The following MYH13 variants were observed in gnomAD, a reference collection of about 807,000 sequenced individuals.
MYH13 encodes the protein myosin-13.
A neutral mutation model predicts 232.1 loss-of-function variants in MYH13; 177 were observed. The ratio of observed to expected loss-of-function variants is 0.76; its 90% confidence interval spans 0.67 to 0.86. The LOEUF (loss-of-function observed/expected upper bound fraction) is 0.86. MYH13 is among the 40% of genes least tolerant of loss of function. The pLI, the probability that MYH13 is intolerant of heterozygous loss-of-function variation, is 0.00. For missense variants in MYH13, 2,246 were observed against 2,405.9 expected, an observed-to-expected ratio of 0.93 and a Z score of 1.39; for synonymous variants, 884 against 923.5, an observed-to-expected ratio of 0.96 and a Z score of 0.78.
intron 1 of MYH13, among the ~76,000 whole-genome samples, chr17:10,372,461 G>C (rs1174703481): frequency 6.6e-6 from 1 of 152,210 alleles, no homozygotes; most frequent in Non-Finnish European, 1.5e-5. Flanking sequence ...CATAAAATAT[G>C]CCATGTGAGA....
chr17:10,329,631 C>T (rs1248614160), intron 21 of MYH13, among the ~76,000 whole-genome samples: 1 of 152,202 alleles, frequency 6.6e-6, no homozygotes, highest in Non-Finnish European at 1.5e-5. Flanking sequence ...CAGCCACCTG[C>T]TTGTCGGGCT....
At chr17:10,322,998 C>T (rs765825553) in intron 23 of MYH13, among the ~76,000 whole-genome samples, 2 of 152,104 alleles carry the variant, frequency 1.3e-5, no homozygotes, top group African/African-American at 2.4e-5. Context: ...GGTGTGCACA[C>T]GCCATTGCTC....
chr17:10,351,043 C>A lies in MYH13; in HGVS notation c.1006-349G>T, dbSNP rs138259499. 4.5e-3 allele frequency among the ~76,000 whole-genome samples: 681 copies of A among 151,550 alleles called. 12 individuals carry two copies. The highest frequency in any genetic ancestry group is 0.016 in the African/African-American group (663 of 41,370). ...GAGACCATCCTGGCCAACATGGCGA[C>A]GCTCCATCTCTACTAAAAATACAAA... On this transcript the variant is annotated intron_variant, in intron 11 of 40. Coordinates refer to ENST00000252172, the MANE Select transcript of MYH13 (RefSeq NM_003802.3).
chr17:10,340,372 T>C lies in MYH13; in HGVS notation c.1924A>G (p.Lys642Glu). ...GTCTGGAAAGAGGAGCCCTTCTTCT[T>C]CCCGCCCTTCTTGCTTCCTCCGGAG... is the stretch of plus-strand genomic sequence containing the variant. ...GDSGGSKKGG[K>E]KKGSSFQTVS... The change falls in exon 17 of 41, where the codon AAG becomes GAG. Residue 642 changes from lysine (K) to glutamate (E), a missense_variant. By Grantham distance (56) the Lys-to-Glu change is moderately conservative. Coordinates refer to ENST00000252172, the MANE Select transcript of MYH13 (RefSeq NM_003802.3). The C allele has an allele frequency of 6.2e-7, 1 of 1,613,838 alleles. No individual in the cohort carries two copies. Among genetic ancestry groups the C allele is most frequent in the African/African-American group, 1.3e-5 (1 of 74,996 alleles).
rs770980580 is a variant in MYH13 at position 10,340,363 on chromosome 17, C to T, written c.1933G>A (p.Gly645Ser). The change falls in exon 17 of 41, where the codon GGC becomes AGC. Residue 645 changes from glycine to serine, a missense_variant. By Grantham distance (56) the Gly-to-Ser change is moderately conservative. Transcript: ENST00000252172. ...GCCGACACGGTCTGGAAAGAGGAGC[C>T]CTTCTTCTTCCCGCCCTTCTTGCTT... ...GGSKKGGKKK[G>S]SSFQTVSAVF... is the part of the protein sequence containing the mutation. The T allele has an allele frequency of 3.1e-6, 5 of 1,613,778 alleles. No individual in the cohort carries two copies. Among genetic ancestry groups the T allele is most frequent in the Admixed American group, 1.7e-5 (1 of 59,992 alleles).
At chr17:10,339,058 G>C (rs1327231170) in intron 18 of MYH13, among the ~76,000 whole-genome samples, 1 of 152,154 alleles carries the variant, frequency 6.6e-6, no homozygotes, top group African/African-American at 2.4e-5. Flanking sequence ...ACTCTGCTTA[G>C]GATCACGTGG....
At chr17:10,336,390 C>T (rs2071575428) in intron 18 of MYH13, among the ~76,000 whole-genome samples, 1 of 152,188 alleles carries the variant, frequency 6.6e-6, no homozygotes, top group Admixed American at 6.5e-5. Flanking sequence ...ACTTCCATCC[C>T]ACTCCTTTCT....
intron 18 of MYH13, among the ~76,000 whole-genome samples, chr17:10,336,256 C>T (rs1286523100): frequency 6.6e-6 from 1 of 152,122 alleles, no homozygotes; most frequent in Non-Finnish European, 1.5e-5. Flanking sequence ...ATCAGGTCCA[C>T]GTAAAGGGCC....
Position 10,313,249 on chromosome 17 carries a change from C to A in MYH13, c.4090G>T (p.Ala1364Ser). ...EQEAKAELQR[A>S]LSKANSEVAQ... ...ACCTCACTGTTGGCCTTGGACAGCG[C>A]CCTCTGCAGCTCGGCCTTGGCTTCC... Residue 1364 changes from alanine (A) to serine (S), a missense_variant, in exon 30 of 41, where the codon GCG becomes TCG. Coordinates refer to ENST00000252172, the MANE Select transcript of MYH13 (RefSeq NM_003802.3). The A allele has an allele frequency of 1.2e-6, 2 of 1,614,210 alleles. No individual in the cohort carries two copies. The highest frequency in any genetic ancestry group is 1.7e-6 in the Non-Finnish European group (2 of 1,180,050).
At chr17:10,354,622 C>G in intron 11 of MYH13, 58 bp downstream of exon 11, 1 of 1,490,368 alleles carries the variant, frequency 6.7e-7, no homozygotes, top group Non-Finnish European at 9.3e-7. Context: ...TAACGTGTCT[C>G]TCAGTTCATA....
chr17:10,362,908 C>T (rs2071805062), intron 3 of MYH13, among the ~76,000 whole-genome samples: 1 of 152,168 alleles, frequency 6.6e-6, no homozygotes, highest in East Asian at 1.9e-4. Flanking sequence ...ATGAGGTTTC[C>T]TTCAGCTGGA....
At chr17:10,370,352 C>G (rs1440251568) in intron 2 of MYH13, among the ~76,000 whole-genome samples, 6 of 152,204 alleles carry the variant, frequency 3.9e-5, no homozygotes, top group African/African-American at 1.4e-4. Flanking sequence ...TAAACTTCAC[C>G]TTGTTAGATC....
At chr17:10,309,881 G>T in intron 33 of MYH13, 51 bp from the exon 34 acceptor site, 1 of 1,447,756 alleles carries the variant, frequency 6.9e-7, no homozygotes. Context: ...CCACCTTCAT[G>T]AATGGGTATT....
rs200437659 is a variant in MYH13, at chr17:10,335,755, G to GA, written c.2057-2565dup. On this transcript the variant is annotated intron_variant, in intron 18 of 40. Transcript: ENST00000252172. Reference sequence around the variant, plus strand: ...GAGCGACAGAGTGAGACCCTGTCTTGAAAAAAAAAGAGAGAGAGAGAAAAG... The same window carrying GA: ...GAGCGACAGAGTGAGACCCTGTCTTGAAAAAAAAAAGAGAGAGAGAGAAAAG... 3.1e-3 allele frequency among the ~76,000 whole-genome samples: 472 copies of GA among 150,002 alleles called. 3 individuals carry two copies. The highest frequency in any genetic ancestry group is 0.011 in the African/African-American group (433 of 40,922).
chr17:10,372,709 C>A (rs1324874878), intron 1 of MYH13, among the ~76,000 whole-genome samples: 1 of 152,202 alleles, frequency 6.6e-6, no homozygotes, highest in Non-Finnish European at 1.5e-5. Flanking sequence ...GAGGAGGAAT[C>A]ATGCATTATA....
intron 11 of MYH13, among the ~76,000 whole-genome samples, chr17:10,353,919 GGAAGGAAGGAAA>G (rs2071729145): frequency 8.8e-6 from 1 of 113,202 alleles, no homozygotes; most frequent in African/African-American, 2.8e-5. Context: ...GAGAGAGAGA[GGAAGGAAGGAAA>G]GAAGGAAGGA....
At chr17:10,342,951 G>A (rs1332376507) in intron 16 of MYH13, among the ~76,000 whole-genome samples, 4 of 151,976 alleles carry the variant, frequency 2.6e-5, no homozygotes, top group African/African-American at 9.7e-5. Context: ...TTAGCCGGGC[G>A]TGGTGGCGTG....
In MYH13 at chr17:10,346,695, C is replaced by A. The variant is rs191213361; in HGVS notation, c.1248G>T (p.Gly416=). ...TCTCCATTACCTGCTGGACATTTTGCCCTTTAGTGACATATTCATTGCCAA... is the reference window on the plus strand; with the variant it reads ...TCTCCATTACCTGCTGGACATTTTGACCTTTAGTGACATATTCATTGCCAA... ...VKVGNEYVTK[G]QNVQQVTNSV... is the part of the protein sequence containing the mutation. The change falls in exon 13 of 41, where the codon GGG becomes GGT. Residue 416 remains glycine (G), a synonymous_variant. Transcript: ENST00000252172. 66 of 1,612,922 alleles carry A rather than the reference C, an allele frequency of 4.1e-5. 1 individual carries two copies. The Admixed American group carries it at 1.1e-3, about 27-fold the overall frequency.
intron 22 of MYH13, among the ~76,000 whole-genome samples, chr17:10,325,268 A>T (rs1313139839): frequency 1.3e-5 from 2 of 152,234 alleles, no homozygotes; most frequent in East Asian, 3.8e-4. Context: ...CATCTACTCT[A>T]TGTTATCTCA....
Sources: gnomAD v4.1 joint callset for allele counts (sites outside exome capture counted in the v4.1 genomes callset) on GRCh38, gnomAD v4.1.1 for gene constraint, MANE v1.5 for transcripts, NCBI Gene and HGNC (gene_info 2026-07-23, HGNC 2026-07-21) for gene names.